The following COL25A1 variants were observed in gnomAD, a reference collection of about 807,000 sequenced individuals.
COL25A1 encodes collagen type XXV alpha 1 chain.
In COL25A1, 103 loss-of-function variants were observed where a neutral mutation model predicts 128.4. That is an observed-to-expected ratio of 0.80 (90% CI 0.68 to 0.94). The LOEUF (loss-of-function observed/expected upper bound fraction) is 0.94. Among genes scored for constraint, COL25A1 ranks in the 40% least tolerant of loss-of-function variants. The probability of loss-of-function intolerance (pLI) is 0.00; values close to 1 mark genes in which losing one functional copy is unlikely to be tolerated. For synonymous variants in COL25A1, 279 were observed against 277.2 expected, an observed-to-expected ratio of 1.01 and a Z score of -0.06; for missense variants, 745 against 840.0, an observed-to-expected ratio of 0.89 and a Z score of 1.40.
chr4:109,137,243 T>C (rs1259861993), intron 3 of COL25A1, among the ~76,000 whole-genome samples: 1 of 152,162 alleles, frequency 6.6e-6, no homozygotes, highest in Non-Finnish European at 1.5e-5. Context: ...AATGTTCCTA[T>C]TTGCAATTTT....
chr4:109,261,888 G>A (rs78527699), intron 3 of COL25A1, among the ~76,000 whole-genome samples: 4 of 151,596 alleles, frequency 2.6e-5, no homozygotes, highest in South Asian at 2.1e-4. Context: ...TAGTAGAGAC[G>A]GGGTTTCACT....
At chr4:108,914,622 G>C (rs1744644004) in intron 13 of COL25A1, among the ~76,000 whole-genome samples, 1 of 146,202 alleles carries the variant, frequency 6.8e-6, no homozygotes, top group Non-Finnish European at 1.5e-5. Flanking sequence ...CTCCCTGCTT[G>C]AATGTAAGTC....
rs201885298 is a variant in COL25A1, at chr4:108,863,332, G to A, written c.1139C>T (p.Ala380Val). 349 of 1,613,478 alleles carry A rather than the reference G, an allele frequency of 2.2e-4. No individual in the cohort carries two copies. The highest frequency in any genetic ancestry group is 2.7e-4 in the Non-Finnish European group (324 of 1,179,782). The change falls in exon 21 of 38, where the codon GCC becomes GTC. Residue 380 changes from alanine (A) to valine (V), a missense_variant. Physicochemically the swap from Ala to Val is moderately conservative, Grantham distance 64. Transcript: ENST00000399132. ...AGAATAACTCACCTTTGGTCCGGGG[G>A]CTCCAGGTTCCCCTCGCTCACCTCT... ...PGRGERGEPG[A>V]PGPKGKQGES...
chr4:108,960,673 A>T (rs1390579851), intron 8 of COL25A1, among the ~76,000 whole-genome samples: 1 of 152,186 alleles, frequency 6.6e-6, no homozygotes, highest in African/African-American at 2.4e-5. Flanking sequence ...TTCTAGAACC[A>T]TCTTCTTCAA....
At chr4:109,026,125 C>A (rs1229932572) in intron 5 of COL25A1, among the ~76,000 whole-genome samples, 1 of 151,766 alleles carries the variant, frequency 6.6e-6, no homozygotes, top group Non-Finnish European at 1.5e-5. Flanking sequence ...CACACACACA[C>A]ACACACACAC....
chr4:108,861,120 C>T (rs889227902), intron 22 of COL25A1, 149 bp from the exon 23 acceptor site: 6 of 655,986 alleles, frequency 9.1e-6, no homozygotes, highest in Admixed American at 8.4e-5. Context: ...ATAGCAAATG[C>T]TTTTTTAAGA....
chr4:108,962,037 T>C (rs1750769185), intron 8 of COL25A1, among the ~76,000 whole-genome samples: 1 of 152,210 alleles, frequency 6.6e-6, no homozygotes, highest in South Asian at 2.1e-4. Flanking sequence ...TTACCACCTG[T>C]TGTTCTCTTG....
intron 35 of COL25A1, among the ~76,000 whole-genome samples, chr4:108,820,114 CAGA>C (rs1731631745): frequency 6.6e-6 from 1 of 152,166 alleles, no homozygotes; most frequent in African/African-American, 2.4e-5. Context: ...CTCAACAAGA[CAGA>C]AGAAGGAGGC....
intron 3 of COL25A1, among the ~76,000 whole-genome samples, chr4:109,230,805 G>A (rs1315303619): frequency 6.6e-6 from 1 of 152,160 alleles, no homozygotes; most frequent in Admixed American, 6.5e-5. Context: ...ACTCAAAAAT[G>A]CTGATAAAAA....
chr4:108,862,575 G>A (rs1560766607), intron 21 of COL25A1, 30 bp from the exon 22 acceptor site: 2 of 1,587,768 alleles, frequency 1.3e-6, no homozygotes, highest in Non-Finnish European at 1.7e-6. Flanking sequence ...GGATGAAAAA[G>A]ATAAAATTAT....
At chr4:108,877,408 C>T (rs1739572183) in intron 19 of COL25A1, among the ~76,000 whole-genome samples, 4 of 151,800 alleles carry the variant, frequency 2.6e-5, no homozygotes, top group African/African-American at 9.7e-5. Context: ...AGCATTAAAC[C>T]TCTCTCTCTC....
At chr4:108,857,204 G>C (rs1736626629) in intron 24 of COL25A1, among the ~76,000 whole-genome samples, 1 of 151,990 alleles carries the variant, frequency 6.6e-6, no homozygotes, top group Non-Finnish European at 1.5e-5. Context: ...TAGTTCAAGG[G>C]CAATTTACAA....
At chr4:109,044,113 G>A (rs201563439) in intron 5 of COL25A1, among the ~76,000 whole-genome samples, 1 of 135,324 alleles carries the variant, frequency 7.4e-6, no homozygotes, top group Non-Finnish European at 1.6e-5. Context: ...GTGTGTGTGT[G>A]TGTATGTATG....
intron 18 of COL25A1, 126 bp from the exon 19 acceptor site, chr4:108,884,348 T>C: frequency 1.2e-6 from 1 of 832,394 alleles, no homozygotes; most frequent in Non-Finnish European, 1.9e-6. Flanking sequence ...CCGTCTACTT[T>C]CAAAAACTTT....
chr4:108,890,792 T>C (rs1741396479), intron 16 of COL25A1, among the ~76,000 whole-genome samples: 1 of 152,164 alleles, frequency 6.6e-6, no homozygotes, highest in Non-Finnish European at 1.5e-5. Flanking sequence ...CATCAATCTC[T>C]TTTAGAGACA....
At chr4:109,027,290 A>G (rs1579131544) in intron 5 of COL25A1, among the ~76,000 whole-genome samples, 1 of 152,160 alleles carries the variant, frequency 6.6e-6, no homozygotes, top group African/African-American at 2.4e-5. Context: ...GGGGCCTTGA[A>G]TGGAAAAAAG....
At chr4:109,246,686 T>A (rs1470958635) in intron 3 of COL25A1, among the ~76,000 whole-genome samples, 2 of 152,152 alleles carry the variant, frequency 1.3e-5, no homozygotes, top group East Asian at 3.8e-4. Context: ...CTATGATCAT[T>A]TTTTTCCTGT....
intron 3 of COL25A1, among the ~76,000 whole-genome samples, chr4:109,170,881 C>T (rs1167036296): frequency 6.6e-6 from 1 of 152,080 alleles, no homozygotes; most frequent in Non-Finnish European, 1.5e-5. Flanking sequence ...GCTTCTATGA[C>T]CATTTCACGT....
chr4:108,815,029 C>CA (rs1417445664), intron 37 of COL25A1, among the ~76,000 whole-genome samples: 1 of 152,044 alleles, frequency 6.6e-6, no homozygotes, highest in Non-Finnish European at 1.5e-5. Flanking sequence ...ATGCCAATGC[C>CA]AAAAAATGTG....
Sources: gnomAD v4.1 joint callset for allele counts (sites outside exome capture counted in the v4.1 genomes callset) on GRCh38, gnomAD v4.1.1 for gene constraint, MANE v1.5 for transcripts, NCBI Gene and HGNC (gene_info 2026-07-23, HGNC 2026-07-21) for gene names.